ABCA1: variants seen among roughly 807,000 people sequenced by gnomAD.
ABCA1 encodes ATP binding cassette subfamily A member 1.
ABCA1 carries 133 observed loss-of-function variants against 262.5 expected under a neutral mutation model. The ratio of observed to expected loss-of-function variants is 0.51; its 90% CI spans 0.44 to 0.59. ABCA1 has a LOEUF of 0.59. ABCA1 is among the 20% of genes least tolerant of loss of function. The pLI is 0.00. For synonymous variants in ABCA1, 1,022 were observed against 1,043.5 expected (o/e 0.98, Z 0.40); for missense variants, 2,452 against 2,777.5 (o/e 0.88, Z 2.63).
chr9:104,828,850 TC>T (rs775058328), intron 15 of ABCA1, 65 bp downstream of exon 15: 2 of 1,519,240 alleles, frequency 1.3e-6, no homozygotes. Context: ...CTTCTTCTCC[TC>T]CCTTAGCCCG....
At chr9:104,886,770 A>G (rs1839215392) in intron 3 of ABCA1, among the ~76,000 whole-genome samples, 1 of 152,222 alleles carries the variant, frequency 6.6e-6, no homozygotes, top group Non-Finnish European at 1.5e-5. Context: ...GTACAGGAAG[A>G]CAAGTAAATA....
At chr9:104,877,321 T>C (rs1038407879) in intron 5 of ABCA1, among the ~76,000 whole-genome samples, 2 of 152,218 alleles carry the variant, frequency 1.3e-5, no homozygotes, top group African/African-American at 4.8e-5. Flanking sequence ...CCCACCTTCA[T>C]TCCACAAAGA....
At chr9:104,876,759 AT>A in intron 5 of ABCA1, among the ~76,000 whole-genome samples, 1 of 152,296 alleles carries the variant, frequency 6.6e-6, no homozygotes, top group South Asian at 2.1e-4. Context: ...AGAATGCCAG[AT>A]TCACCAGAGA....
intron 14 of ABCA1, among the ~76,000 whole-genome samples, chr9:104,830,345 T>G (rs1257875965): frequency 1.3e-5 from 2 of 152,220 alleles, no homozygotes; most frequent in African/African-American, 4.8e-5. Flanking sequence ...CATGACACAT[T>G]TTAAGCTTGC....
intron 5 of ABCA1, among the ~76,000 whole-genome samples, chr9:104,874,586 C>A (rs900144191): frequency 2.0e-5 from 3 of 151,820 alleles, no homozygotes; most frequent in Non-Finnish European, 4.4e-5. Context: ...AAAACAAAAA[C>A]AAACAAACAA....
At chr9:104,874,666 G>A (rs1016490890) in intron 5 of ABCA1, among the ~76,000 whole-genome samples, 5 of 152,198 alleles carry the variant, frequency 3.3e-5, no homozygotes, top group African/African-American at 1.2e-4. Context: ...TGAGGCAGGT[G>A]GATCAACAGG....
intron 7 of ABCA1, among the ~76,000 whole-genome samples, chr9:104,848,251 G>T (rs1380290883): frequency 6.6e-6 from 1 of 152,160 alleles, no homozygotes; most frequent in Non-Finnish European, 1.5e-5. Context: ...AATTGTAAAT[G>T]ACTGGGATTC....
At chr9:104,801,350 G>A (rs1830318995) in intron 34 of ABCA1, among the ~76,000 whole-genome samples, 1 of 151,866 alleles carries the variant, frequency 6.6e-6, no homozygotes, top group South Asian at 2.1e-4. Flanking sequence ...CTCCCGAGTA[G>A]CTGGGATTAC....
intron 5 of ABCA1, among the ~76,000 whole-genome samples, chr9:104,880,576 A>G (rs1473006490): frequency 6.6e-6 from 1 of 152,112 alleles, no homozygotes; most frequent in Non-Finnish European, 1.5e-5. Context: ...AAATCAGTAA[A>G]AAGTTACTGA....
At chr9:104,875,738 A>T (rs1838106154) in intron 5 of ABCA1, among the ~76,000 whole-genome samples, 1 of 152,174 alleles carries the variant, frequency 6.6e-6, no homozygotes, top group Non-Finnish European at 1.5e-5. Context: ...TCACTGGAGA[A>T]GGCAAGATAA....
intron 48 of ABCA1, 23 bp downstream of exon 48, chr9:104,786,275 C>A: frequency 1.3e-6 from 2 of 1,582,132 alleles, no homozygotes; most frequent in South Asian, 1.1e-5. Context: ...TAGGCACTAT[C>A]CCAAAGAAAT....
At chr9:104,812,812 T>G in intron 27 of ABCA1, 90 bp from the exon 28 acceptor site, 1 of 1,520,574 alleles carries the variant, frequency 6.6e-7, no homozygotes, top group Non-Finnish European at 9.1e-7. Context: ...AACAACTATC[T>G]TGAAGGCATG....
At chr9:104,792,944 T>A (rs780567576) in intron 41 of ABCA1, 38 bp from the exon 42 acceptor site, 4 of 1,612,990 alleles carry the variant, frequency 2.5e-6, no homozygotes, top group East Asian at 2.2e-5. Flanking sequence ...CCTTTCAAAC[T>A]ATTTTTCAGG....
chr9:104,787,934 G>A lies in ABCA1; in HGVS notation c.6190C>T (p.Pro2064Ser). The change falls in exon 46 of 50, where the codon CCT becomes TCT. Residue 2064 changes from proline (P) to serine (S), a missense_variant. Transcript: ENST00000374736. Reference protein sequence around the residue: ...STAMALIGGPPVVFLDEPTTG... With the variant: ...STAMALIGGPSVVFLDEPTTG... ...GTTATACTCACCAGAAACACCACAG[G>A]AGGCCCGCCGATCAAAGCCATGGCT... is the stretch of plus-strand genomic sequence containing the variant. 1 of 1,614,002 alleles carries A rather than the reference G, an allele frequency of 6.2e-7. No homozygotes were observed. Among genetic ancestry groups the A allele is most frequent in the Non-Finnish European group, 8.5e-7 (1 of 1,179,960 alleles).
chr9:104,835,428 G>C (rs536023093), intron 11 of ABCA1, among the ~76,000 whole-genome samples: 1 of 152,176 alleles, frequency 6.6e-6, no homozygotes, highest in East Asian at 1.9e-4. Context: ...CACCCAGCTA[G>C]AAATCGAGAC....
intron 7 of ABCA1, among the ~76,000 whole-genome samples, chr9:104,853,410 C>A (rs1032046149): frequency 5.3e-5 from 8 of 152,214 alleles, no homozygotes; most frequent in African/African-American, 1.9e-4. Context: ...TGTGAGGGAG[C>A]TGGTCGAGAG....
intron 4 of ABCA1, 44 bp from the exon 5 acceptor site, chr9:104,883,201 A>AAGGGTGCAAGAAAAGGCGAAAGG (rs758565008): frequency 6.6e-7 from 1 of 1,507,574 alleles, no homozygotes; most frequent in African/African-American, 1.4e-5. Context: ...AGCTAGGCCA[A>AAGGGTGCAAGAAAAGGCGAAAGG]CTGCCTCTGC....
chr9:104,834,291 G>T (rs1411322022), intron 11 of ABCA1, among the ~76,000 whole-genome samples: 2 of 149,660 alleles, frequency 1.3e-5, no homozygotes, highest in Non-Finnish European at 3.0e-5. Flanking sequence ...ATCCCTGGGG[G>T]TGGGTGGAAT....
At chr9:104,810,252 AAAGC>A (rs1831164084) in intron 29 of ABCA1, among the ~76,000 whole-genome samples, 1 of 151,462 alleles carries the variant, frequency 6.6e-6, no homozygotes, top group Admixed American at 6.6e-5. Context: ...AGGACTGAAG[AAAGC>A]TCCTGCTAAC....
Sources: gnomAD v4.1 joint callset for allele counts (sites outside exome capture counted in the v4.1 genomes callset) on GRCh38, gnomAD v4.1.1 for gene constraint, MANE v1.5 for transcripts, NCBI Gene and HGNC (gene_info 2026-07-23, HGNC 2026-07-21) for gene names.